Variants in ARMH4 observed in about 807,000 individuals in gnomAD.
The protein encoded by ARMH4 is armadillo-like helical domain-containing protein 4.
A neutral mutation model predicts 61.9 loss-of-function variants in ARMH4; 49 were observed. The observed-to-expected ratio is 0.79, with a 90% CI of 0.63 to 1.00. ARMH4 has a LOEUF of 1.00. Among genes scored for constraint, ARMH4 ranks in the 50% least tolerant of loss-of-function variants. The pLI is 0.00. For synonymous variants in ARMH4, 368 were observed against 341.5 expected (o/e 1.08, Z -0.85); for missense variants, 934 against 930.0 (o/e 1.00, Z -0.06).
At chr14:58,140,141 C>T (rs1187702717) in intron 1 of ARMH4, among the ~76,000 whole-genome samples, 3 of 150,830 alleles carry the variant, frequency 2.0e-5, no homozygotes, top group South Asian at 4.2e-4. Flanking sequence ...TGGGAGTGGG[C>T]GTAGGCACCT....
chr14:58,080,616 T>TG, intron 5 of ARMH4, among the ~76,000 whole-genome samples: 1 of 152,268 alleles, frequency 6.6e-6, no homozygotes, highest in South Asian at 2.1e-4. Context: ...AGACAAGGGC[T>TG]GAAAAACTAC....
In ARMH4 at chr14:58,003,339, T is replaced by C. The variant is rs1259542425; in HGVS notation, c.*1397A>G. ...TGGAAAATCATTTCACTTCTCTGCT[T>C]CAGTTCCATCTTCAGTCAAATGGGA... is the stretch of plus-strand genomic sequence containing the variant. On this transcript the variant is annotated 3_prime_UTR_variant, in exon 8 of 8. Coordinates refer to ENST00000267485, the MANE Select transcript of ARMH4 (RefSeq NM_001001872.4). The C allele has an allele frequency of 6.6e-6, 1 of 152,238 alleles. No homozygotes were observed. The highest frequency in any genetic ancestry group is 1.5e-5 in the Non-Finnish European group (1 of 68,058). 9.4% of individuals were successfully genotyped at this position (152,238 alleles called of 1,614,324 possible).
At position 58,138,599 on chromosome 14, in the gene ARMH4, T is replaced by C. The variant is rs1469206361; in HGVS notation, c.760A>G (p.Lys254Glu). 1.2e-6 allele frequency: 2 copies of C among 1,614,100 alleles called. No homozygotes were observed. Among genetic ancestry groups the C allele is most frequent in the South Asian group, 1.1e-5 (1 of 91,088 alleles). The stretch of plus-strand genomic sequence containing the variant: ...GCTGTCATCTGCGAAGGCTTCTCCT[T>C]ATCAGGGGTGAGGCTTCCAGGCTCA... ...GSEPGSLTPD[K>E]EKPSQMTADN... Residue 254 changes from lysine to glutamate, a missense_variant, in exon 2 of 8, where the codon AAG becomes GAG. By Grantham distance (56) the Lys-to-Glu change is moderately conservative. Transcript: ENST00000267485.
chr14:58,007,588 T>A (rs1014468861), intron 6 of ARMH4, among the ~76,000 whole-genome samples: 7 of 152,230 alleles, frequency 4.6e-5, no homozygotes, highest in Non-Finnish European at 7.3e-5. Context: ...CAACGTACCA[T>A]CTTAAGATAT....
At chr14:58,105,640 T>C (rs938788386) in intron 4 of ARMH4, among the ~76,000 whole-genome samples, 1 of 150,692 alleles carries the variant, frequency 6.6e-6, no homozygotes, top group Admixed American at 6.6e-5. Flanking sequence ...TCAGCCGAGA[T>C]TACGCCACTG....
intron 1 of ARMH4, chr14:58,141,379 G>A (rs1844989163): frequency 1.9e-6 from 1 of 518,742 alleles, no homozygotes; most frequent in Admixed American, 2.1e-5. Flanking sequence ...TCAGGACAAG[G>A]AGGGTATCCC....
chr14:58,132,438 A>G (rs995300052), intron 3 of ARMH4, among the ~76,000 whole-genome samples: 2 of 151,446 alleles, frequency 1.3e-5, no homozygotes, highest in African/African-American at 4.9e-5. Context: ...ATTCAAATTC[A>G]GGTCCATGCT....
chr14:58,118,747 C>T lies in ARMH4; in HGVS notation c.1831+12765G>A, dbSNP rs72716919. On this transcript the variant is annotated intron_variant, in intron 4 of 7. Coordinates refer to ENST00000267485, the MANE Select transcript of ARMH4 (RefSeq NM_001001872.4). The stretch of plus-strand genomic sequence containing the variant: ...GACGAACCTAATTCATTTTCTGTTT[C>T]TTTCACTTCTCAGTTTATTTGCTTT... Among the ~76,000 whole-genome samples the T allele has an allele frequency of 4.9e-3, 752 of 152,228 alleles. 3 individuals carry two copies. The highest frequency in any genetic ancestry group is 8.2e-3 in the Non-Finnish European group (561 of 68,010).
intron 1 of ARMH4, among the ~76,000 whole-genome samples, chr14:58,151,061 A>G (rs1182562693): frequency 6.6e-6 from 1 of 152,180 alleles, no homozygotes; most frequent in Non-Finnish European, 1.5e-5. Flanking sequence ...AACCCTAGGG[A>G]TGGTTTTGTG....
intron 4 of ARMH4, among the ~76,000 whole-genome samples, chr14:58,113,799 T>C (rs948564555): frequency 5.9e-5 from 9 of 151,948 alleles, no homozygotes; most frequent in African/African-American, 2.2e-4. Context: ...TGAGGCTTTT[T>C]TCCCAAAAAA....
In ARMH4 at chr14:58,004,660, C is replaced by A; in HGVS notation, c.*76G>T. On this transcript the variant is annotated 3_prime_UTR_variant, in exon 8 of 8. Coordinates refer to ENST00000267485, the MANE Select transcript of ARMH4 (RefSeq NM_001001872.4). The stretch of plus-strand genomic sequence containing the variant: ...GATAGCAGCAATGTGGCAGGTTGTT[C>A]TTTTTTTTTTTCTGCTCCAAAATAA... 2 of 981,304 alleles carry A rather than the reference C, an allele frequency of 2.0e-6. No individual in the cohort carries two copies. The highest frequency in any genetic ancestry group is 2.9e-6 in the Non-Finnish European group (2 of 682,072). The allele number at this position is 981,304 out of a possible 1,614,324, so 60.8% of individuals were successfully genotyped here.
intron 6 of ARMH4, among the ~76,000 whole-genome samples, chr14:58,011,509 A>G (rs969604835): frequency 1.3e-5 from 2 of 152,170 alleles, no homozygotes; most frequent in African/African-American, 4.8e-5. Context: ...TCAGGACTCC[A>G]TCAATATCTT....
intron 4 of ARMH4, among the ~76,000 whole-genome samples, chr14:58,099,987 T>G (rs1483749533): frequency 6.6e-6 from 1 of 152,198 alleles, no homozygotes; most frequent in African/African-American, 2.4e-5. Context: ...TACTTAAAAC[T>G]AAGCCTGGTG....
intron 5 of ARMH4, among the ~76,000 whole-genome samples, chr14:58,017,954 C>A (rs1882675849): frequency 6.6e-6 from 1 of 152,090 alleles, no homozygotes; most frequent in African/African-American, 2.4e-5. Flanking sequence ...GACTCAAGAG[C>A]CCAGAAATAA....
intron 5 of ARMH4, among the ~76,000 whole-genome samples, chr14:58,016,091 T>A (rs1882601950): frequency 6.6e-6 from 1 of 152,042 alleles, no homozygotes; most frequent in African/African-American, 2.4e-5. Context: ...TAAAATGTTT[T>A]ATATGAAGCT....
At chr14:58,123,748 G>A (rs1177768383) in intron 4 of ARMH4, among the ~76,000 whole-genome samples, 2 of 152,142 alleles carry the variant, frequency 1.3e-5, no homozygotes, top group Non-Finnish European at 2.9e-5. Context: ...TTACCCCAAG[G>A]GTTCAGGGAT....
At chr14:58,144,593 C>A (rs898440803) in intron 1 of ARMH4, among the ~76,000 whole-genome samples, 2 of 151,980 alleles carry the variant, frequency 1.3e-5, no homozygotes, top group Admixed American at 6.6e-5. Flanking sequence ...TGAGGCCTGG[C>A]GCAGTGGCTC....
At chr14:58,015,217 G>A (rs1260768312) in intron 5 of ARMH4, among the ~76,000 whole-genome samples, 1 of 152,180 alleles carries the variant, frequency 6.6e-6, no homozygotes, top group Non-Finnish European at 1.5e-5. Flanking sequence ...TCCACTGAAG[G>A]CAAGAAGGCA....
At chr14:58,027,338 G>T (rs183496468) in intron 5 of ARMH4, among the ~76,000 whole-genome samples, 2 of 152,316 alleles carry the variant, frequency 1.3e-5, no homozygotes, top group East Asian at 1.9e-4. Flanking sequence ...ATTTAAAGAA[G>T]ATACTTGTAA....
Sources: gnomAD v4.1 joint callset for allele counts (sites outside exome capture counted in the v4.1 genomes callset) on GRCh38, gnomAD v4.1.1 for gene constraint, MANE v1.5 for transcripts, NCBI Gene and HGNC (gene_info 2026-07-23, HGNC 2026-07-21) for gene names.